The following MEGF6 variants were observed in gnomAD, a reference collection of about 807,000 sequenced individuals.
MEGF6 encodes the protein multiple EGF like domains 6, also known as multiple epidermal growth factor-like domains protein 6.
MEGF6 carries 184 observed loss-of-function variants against 207.1 expected under a neutral mutation model. The ratio of observed to expected loss-of-function variants is 0.89; its 90% CI spans 0.79 to 1.00. The LOEUF (loss-of-function observed/expected upper bound fraction) is 1.00. MEGF6 is among the 50% of genes least tolerant of loss of function. The probability of loss-of-function intolerance (pLI) is 0.00; values close to 1 mark genes in which losing one functional copy is unlikely to be tolerated. For missense variants in MEGF6, 2,282 were observed against 2,202.9 expected, an observed-to-expected ratio of 1.04 and a Z score of -0.72; for synonymous variants, 1,038 against 910.0, an observed-to-expected ratio of 1.14 and a Z score of -2.53.
intron 4 of MEGF6, among the ~76,000 whole-genome samples, chr1:3,530,224 A>G (rs1557753722): frequency 6.6e-6 from 1 of 152,244 alleles, no homozygotes; most frequent in Non-Finnish European, 1.5e-5. Context: ...CAGGGAATGA[A>G]GGAAGCCTTT....
intron 4 of MEGF6, among the ~76,000 whole-genome samples, chr1:3,564,985 C>G (rs1643305951): frequency 6.6e-6 from 1 of 152,190 alleles, no homozygotes; most frequent in Non-Finnish European, 1.5e-5. Flanking sequence ...TTCTCTACGG[C>G]AGGCACCACC....
At chr1:3,572,314 T>C (rs1643525214) in intron 4 of MEGF6, among the ~76,000 whole-genome samples, 1 of 132,834 alleles carries the variant, frequency 7.5e-6, no homozygotes, top group Admixed American at 7.5e-5. Context: ...TTCCTGGGTG[T>C]GCTGGGTCCT....
rs1023223152 is a variant in MEGF6, at chr1:3,488,823, A to C, written c.*1705T>G. ...TATGGCTTTTTTATGTTATTTTTCC[A>C]CCTTGTGCATTTCCAGGCTGACTGA... On this transcript the variant is annotated 3_prime_UTR_variant, in exon 37 of 37. Coordinates refer to ENST00000356575, the MANE Select transcript of MEGF6 (RefSeq NM_001409.4). Among the ~76,000 whole-genome samples, 1 of 151,960 alleles carries C rather than the reference A, an allele frequency of 6.6e-6. No homozygotes were observed. Among genetic ancestry groups the C allele is most frequent in the Non-Finnish European group, 1.5e-5 (1 of 67,988 alleles).
rs1032462038 is a variant in MEGF6 at position 3,500,639 on chromosome 1, C to T, written c.2701G>A (p.Glu901Lys). 22 of 1,556,810 alleles carry T rather than the reference C, an allele frequency of 1.4e-5. No individual in the cohort carries two copies. The East Asian group carries it at 3.4e-4, about 24-fold the overall frequency. The part of the protein sequence containing the change: ...CEAGYVGPRC[E>K]QQCPQGHFGP... ...AGGCAGGGCCGGGACTCACGCTGCTCGCACCGCGGGCCCACGTAGCCAGCC... is the reference window on the plus strand; with the variant it reads ...AGGCAGGGCCGGGACTCACGCTGCTTGCACCGCGGGCCCACGTAGCCAGCC... Residue 901 changes from glutamate to lysine, a missense_variant, in exon 21 of 37, where the codon GAG (glutamate) becomes AAG (lysine). Glu to Lys is a moderately conservative substitution (Grantham distance 56). Transcript: ENST00000356575.
chr1:3,593,971 C>A (rs576540159), intron 3 of MEGF6, among the ~76,000 whole-genome samples: 2 of 152,170 alleles, frequency 1.3e-5, no homozygotes, highest in Non-Finnish European at 1.5e-5. Context: ...TGCTGGAGCT[C>A]GGGCCAGGAC....
intron 3 of MEGF6, among the ~76,000 whole-genome samples, chr1:3,583,904 G>A (rs868557962): frequency 1.7e-5 from 2 of 117,364 alleles, no homozygotes; most frequent in Non-Finnish European, 4.0e-5. Context: ...ACCAGACAAC[G>A]CGCAGCCACC....
At chr1:3,570,138 T>C (rs907074006) in intron 4 of MEGF6, among the ~76,000 whole-genome samples, 2 of 152,148 alleles carry the variant, frequency 1.3e-5, no homozygotes, top group African/African-American at 4.8e-5. Flanking sequence ...AGCCTGAGCA[T>C]AGCAAGATGG....
intron 4 of MEGF6, among the ~76,000 whole-genome samples, chr1:3,561,220 G>T (rs1643190715): frequency 6.6e-6 from 1 of 152,188 alleles, no homozygotes; most frequent in Non-Finnish European, 1.5e-5. Flanking sequence ...AATGGGCAAG[G>T]GAGGGCCCCT....
chr1:3,603,099 C>A (rs1570242872), intron 1 of MEGF6, among the ~76,000 whole-genome samples: 3 of 152,216 alleles, frequency 2.0e-5, no homozygotes, highest in Non-Finnish European at 4.4e-5. Flanking sequence ...CATCCTATGA[C>A]CCACACTGGT....
At chr1:3,533,601 C>G (rs1302089843) in intron 4 of MEGF6, among the ~76,000 whole-genome samples, 5 of 152,194 alleles carry the variant, frequency 3.3e-5, no homozygotes. Context: ...GGGGAAGACA[C>G]CAGAGGCCAG....
chr1:3,518,420 G>C (rs2794362), intron 5 of MEGF6, among the ~76,000 whole-genome samples: 110,453 of 152,184 alleles, frequency 0.73, 40,206 homozygotes, highest in South Asian at 0.79. Flanking sequence ...AAATGTGAGG[G>C]TGAAGCTCTG....
At chr1:3,513,987 G>A (rs1323538110) in intron 7 of MEGF6, among the ~76,000 whole-genome samples, 3 of 151,762 alleles carry the variant, frequency 2.0e-5, no homozygotes, top group Non-Finnish European at 2.9e-5. Flanking sequence ...AGTGGCTCAC[G>A]CCTGTAATCC....
chr1:3,515,305 G>A (rs1641502413), intron 6 of MEGF6, 97 bp downstream of exon 6: 1 of 1,417,232 alleles, frequency 7.1e-7, no homozygotes, highest in Non-Finnish European at 9.5e-7. Context: ...GCAGCCTTGG[G>A]GGCCTCCTGA....
chr1:3,502,486 C>A (rs1640945859), intron 17 of MEGF6, among the ~76,000 whole-genome samples: 1 of 152,116 alleles, frequency 6.6e-6, no homozygotes, highest in Non-Finnish European at 1.5e-5. Context: ...AGGCTGTGCA[C>A]CCACTCACTC....
intron 4 of MEGF6, 139 bp from the exon 5 acceptor site, chr1:3,524,385 A>C: frequency 2.8e-6 from 3 of 1,086,482 alleles, no homozygotes; most frequent in East Asian, 2.6e-5. Context: ...CCTCACCCAC[A>C]TCTGCCGGAG....
chr1:3,579,303 T>C (rs982695574), intron 4 of MEGF6, among the ~76,000 whole-genome samples: 1 of 152,188 alleles, frequency 6.6e-6, no homozygotes, highest in Non-Finnish European at 1.5e-5. Context: ...TTTCAGCCCA[T>C]CCCCACTCCC....
At chr1:3,549,683 C>A (rs1642824562) in intron 4 of MEGF6, among the ~76,000 whole-genome samples, 1 of 152,232 alleles carries the variant, frequency 6.6e-6, no homozygotes, top group South Asian at 2.1e-4. Flanking sequence ...TCTCTGGCCC[C>A]ACAAGGGCTC....
intron 17 of MEGF6, among the ~76,000 whole-genome samples, chr1:3,502,657 C>T (rs1640952190): frequency 6.6e-6 from 1 of 152,104 alleles, no homozygotes; most frequent in Non-Finnish European, 1.5e-5. Context: ...GAAGGGGGAC[C>T]TGGGGAGAGA....
At chr1:3,611,111 C>A (rs1644318548) in intron 1 of MEGF6, 27 bp downstream of exon 1, 2 of 1,467,084 alleles carry the variant, frequency 1.4e-6, no homozygotes, top group African/African-American at 1.5e-5. Flanking sequence ...GACGACCGGC[C>A]GAGCCCTCCC....
Sources: gnomAD v4.1 joint callset for allele counts (sites outside exome capture counted in the v4.1 genomes callset) on GRCh38, gnomAD v4.1.1 for gene constraint, MANE v1.5 for transcripts, NCBI Gene and HGNC (gene_info 2026-07-23, HGNC 2026-07-21) for gene names.